The following TAFA2 variants were observed in gnomAD, a reference collection of about 807,000 sequenced individuals.
TAFA2 encodes the protein chemokine-like protein TAFA-2.
A neutral mutation model predicts 18.8 loss-of-function variants in TAFA2; 7 were observed. That is an observed-to-expected ratio of 0.37 (90% confidence interval 0.21 to 0.70). TAFA2 has a LOEUF of 0.70. Among genes scored for constraint, TAFA2 ranks in the 30% least tolerant of loss-of-function variants. The pLI, the probability that TAFA2 is intolerant of heterozygous loss-of-function variation, is 0.53. For synonymous variants in TAFA2, 60 were observed against 54.2 expected (o/e 1.11, Z -0.47); for missense variants, 122 against 158.1 (o/e 0.77, Z 1.23).
At chr12:62,181,808 A>G (rs1288116053) in intron 1 of TAFA2, among the ~76,000 whole-genome samples, 1 of 152,204 alleles carries the variant, frequency 6.6e-6, no homozygotes, top group Non-Finnish European at 1.5e-5. Flanking sequence ...CTTCTAATAT[A>G]TGAAGATAAG....
At chr12:62,180,122 G>A (rs2062542301) in intron 1 of TAFA2, among the ~76,000 whole-genome samples, 1 of 152,266 alleles carries the variant, frequency 6.6e-6, no homozygotes, top group African/African-American at 2.4e-5. Flanking sequence ...ATTCACCAAT[G>A]TGCAGTAAGC....
intron 1 of TAFA2, among the ~76,000 whole-genome samples, chr12:61,983,583 T>A (rs1371916570): frequency 1.3e-5 from 2 of 152,100 alleles, no homozygotes; most frequent in East Asian, 3.9e-4. Flanking sequence ...AGTTTTTGTA[T>A]TTTTAGTACA....
At chr12:61,920,482 C>T (rs1004401851) in intron 1 of TAFA2, among the ~76,000 whole-genome samples, 1 of 152,174 alleles carries the variant, frequency 6.6e-6, no homozygotes, top group African/African-American at 2.4e-5. Context: ...CATTAGTTTG[C>T]CCCATATATT....
rs575285695 is a variant in TAFA2 at position 61,884,934 on chromosome 12, A to G, written c.-1-17508T>C. Among the ~76,000 whole-genome samples the G allele has an allele frequency of 7.7e-4, 118 of 152,300 alleles. No homozygotes were observed. The South Asian group carries it at 0.023, about 30-fold the overall frequency. On this transcript the variant is annotated intron_variant, in intron 1 of 4. Coordinates refer to ENST00000416284, the MANE Select transcript of TAFA2 (RefSeq NM_178539.5). ...TTTTATGAGTTTTTCACTCCATTCC[A>G]TTATTAAAATTCAGCCAAATTTCTT...
chr12:62,064,767 TC>T (rs1191403418), intron 1 of TAFA2, among the ~76,000 whole-genome samples: 1 of 152,046 alleles, frequency 6.6e-6, no homozygotes, highest in Non-Finnish European at 1.5e-5. Context: ...TATGTATTAA[TC>T]CATCTGCAAA....
intron 3 of TAFA2, 143 bp from the exon 4 acceptor site, chr12:61,753,889 A>G (rs558206879): frequency 3.4e-6 from 2 of 589,332 alleles, no homozygotes; most frequent in East Asian, 5.9e-5. Context: ...TTTTTGTTCA[A>G]AAGGACAAAA....
At chr12:62,175,460 T>C (rs922065586) in intron 1 of TAFA2, among the ~76,000 whole-genome samples, 1 of 152,186 alleles carries the variant, frequency 6.6e-6, no homozygotes. Context: ...TAAAGAAAGA[T>C]ACCTGAAATG....
intron 1 of TAFA2, among the ~76,000 whole-genome samples, chr12:62,113,113 G>C (rs183868773): frequency 1.9e-4 from 29 of 152,214 alleles, no homozygotes; most frequent in Non-Finnish European, 3.7e-4. Flanking sequence ...CCTCATCTTG[G>C]TGAATTTATA....
intron 1 of TAFA2, among the ~76,000 whole-genome samples, chr12:61,931,302 G>C (rs1036554075): frequency 2.0e-5 from 3 of 152,114 alleles, no homozygotes; most frequent in African/African-American, 7.2e-5. Flanking sequence ...TATTAGATTG[G>C]AAATCTCAGG....
At chr12:61,842,807 A>G (rs1873241711) in intron 2 of TAFA2, among the ~76,000 whole-genome samples, 2 of 152,106 alleles carry the variant, frequency 1.3e-5, no homozygotes, top group Admixed American at 1.3e-4. Context: ...TTTCTCTTTG[A>G]AATGCTCTGT....
intron 1 of TAFA2, among the ~76,000 whole-genome samples, chr12:62,162,558 C>T (rs2062413359): frequency 6.6e-6 from 1 of 152,114 alleles, no homozygotes; most frequent in East Asian, 1.9e-4. Context: ...TTCTCTTCTA[C>T]CTTTGTAAAG....
At chr12:61,959,328 TTTTG>T (rs557581317) in intron 1 of TAFA2, among the ~76,000 whole-genome samples, 77 of 152,142 alleles carry the variant, frequency 5.1e-4, no homozygotes, top group African/African-American at 1.8e-3. Context: ...TTTATTCAAA[TTTTG>T]TTTGAGTATT....
At chr12:62,035,733 C>CTTTTTTTTTT (rs34859628) in intron 1 of TAFA2, among the ~76,000 whole-genome samples, 8 of 60,234 alleles carry the variant, frequency 1.3e-4, no homozygotes, top group African/African-American at 3.8e-4. Flanking sequence ...ATGATTCTTT[C>CTTTTTTTTTT]TTTTTTTTTT....
chr12:61,805,312 A>G (rs1871565397), intron 2 of TAFA2, among the ~76,000 whole-genome samples: 3 of 152,078 alleles, frequency 2.0e-5, no homozygotes, highest in Admixed American at 6.6e-5. Context: ...CCTGATAGCA[A>G]TTAAGACCTG....
intron 2 of TAFA2, among the ~76,000 whole-genome samples, chr12:61,851,125 G>C (rs1873625329): frequency 6.6e-6 from 1 of 152,104 alleles, no homozygotes; most frequent in Non-Finnish European, 1.5e-5. Context: ...TTACAGTTAA[G>C]TGAGAAAAAT....
intron 1 of TAFA2, among the ~76,000 whole-genome samples, chr12:62,207,890 C>T (rs1399172983): frequency 6.6e-6 from 1 of 152,116 alleles, no homozygotes; most frequent in East Asian, 1.9e-4. Flanking sequence ...AGTACTGGGC[C>T]CTCCCTGTGG....
At position 61,716,563 on chromosome 12, in the gene TAFA2, T is replaced by C. The variant is rs557786112; in HGVS notation, c.385-6146A>G. ...CTCCACAGCATCAATGTAAATCTTATATGATATTAGCTTAATTTAAAAAAA... is the reference window on the plus strand; with the variant it reads ...CTCCACAGCATCAATGTAAATCTTACATGATATTAGCTTAATTTAAAAAAA... On this transcript the variant is annotated intron_variant, in intron 4 of 4. Coordinates refer to ENST00000416284, the MANE Select transcript of TAFA2 (RefSeq NM_178539.5). 2.0e-5 allele frequency among the ~76,000 whole-genome samples: 3 copies of C among 152,310 alleles called. No individual in the cohort carries two copies. In the South Asian group the frequency reaches 6.2e-4, roughly 32 times the overall value.
chr12:62,005,861 T>A (rs1880530588), intron 1 of TAFA2, among the ~76,000 whole-genome samples: 1 of 152,124 alleles, frequency 6.6e-6, no homozygotes. Flanking sequence ...GATTCGTATA[T>A]CTGCCAATGA....
At chr12:62,031,960 C>T (rs78152208) in intron 1 of TAFA2, among the ~76,000 whole-genome samples, 3,553 of 152,178 alleles carry the variant, frequency 0.023, 135 homozygotes, top group African/African-American at 0.081. Context: ...TATTGTAAAA[C>T]GTTATTTCTT....
Sources: allele counts gnomAD v4.1 joint callset (sites outside exome capture counted in the v4.1 genomes callset), GRCh38; gene constraint gnomAD v4.1.1; transcripts MANE v1.5; gene names NCBI Gene and HGNC (gene_info 2026-07-23, HGNC 2026-07-21).